Variants in SYNE1 observed in about 807,000 individuals in gnomAD.
SYNE1 encodes the protein nesprin-1.
In SYNE1, 616 loss-of-function variants were observed where a neutral mutation model predicts 1,111.0. The ratio of observed to expected loss-of-function variants is 0.55; its 90% CI spans 0.52 to 0.59. The LOEUF (loss-of-function observed/expected upper bound fraction) is 0.59. SYNE1 is among the 20% of genes least tolerant of loss of function. The pLI, the probability that SYNE1 is intolerant of heterozygous loss-of-function variation, is 0.00. For missense variants in SYNE1, 10,006 were observed against 10,417.0 expected, an observed-to-expected ratio of 0.96 and a Z score of 1.72; for synonymous variants, 3,855 against 3,825.8, an observed-to-expected ratio of 1.01 and a Z score of -0.28.
intron 14 of SYNE1, chr6:152,478,383 GA>G (rs2098847613): frequency 6.6e-6 from 1 of 152,216 alleles, no homozygotes; most frequent in African/African-American, 2.4e-5. Flanking sequence ...TTTGTATGTG[GA>G]TGAGTAAACT....
chr6:152,385,816 T>A lies in SYNE1; in HGVS notation c.8510A>T (p.Glu2837Val), dbSNP rs1325592356. ...VAKEKMRKVE[E>V]IVKDHLMYLD... ...ATACATTAGATGATCTTTCACAATC[T>A]CTTCCACTTTCCTCATTTTTTCCTA... The change falls in exon 55 of 146, where the codon GAG becomes GTG. Residue 2837 changes from glutamate to valine, a missense_variant. Around this residue, in one of 7 missense-constraint regions of SYNE1, gnomAD observed 4,955 missense variants for 5,017.2 expected, o/e 0.99. Coordinates refer to ENST00000367255, the MANE Select transcript of SYNE1 (RefSeq NM_182961.4). The A allele has an allele frequency of 6.2e-7, 1 of 1,613,976 alleles. No individual in the cohort carries two copies. The highest frequency in any genetic ancestry group is 8.5e-7 in the Non-Finnish European group (1 of 1,179,978).
intron 32 of SYNE1, among the ~76,000 whole-genome samples, chr6:152,438,936 G>A (rs1241427083): frequency 1.3e-5 from 2 of 152,186 alleles, no homozygotes; most frequent in African/African-American, 4.8e-5. Flanking sequence ...TCTGGAAAAG[G>A]ACCTTTTGGA....
chr6:152,396,112 G>T (rs965810268), intron 50 of SYNE1, among the ~76,000 whole-genome samples: 2 of 152,196 alleles, frequency 1.3e-5, no homozygotes, highest in Non-Finnish European at 2.9e-5. Flanking sequence ...AGACCCTTGA[G>T]TTGGGGCCAG....
rs545152377 is a variant in SYNE1, at chr6:152,451,124, C to T, written c.3109G>A (p.Glu1037Lys). The stretch of plus-strand genomic sequence containing the variant: ...TCTCGATCCAGCTCAGTTCTGCATT[C>T]TTCTACAGAGGCTAAGAACCTATTC... The part of the protein sequence containing the change: ...EKNRFLASVE[E>K]CRTELDRETK... The change falls in exon 26 of 146, where the codon GAA (glutamate) becomes AAA (lysine). Residue 1037 changes from glutamate to lysine, a missense_variant. Around this residue, in one of 7 missense-constraint regions of SYNE1, gnomAD observed 1,971 missense variants for 2,084.1 expected, o/e 0.95. Coordinates refer to ENST00000367255, the MANE Select transcript of SYNE1 (RefSeq NM_182961.4). 93 of 1,614,114 alleles carry T rather than the reference C, an allele frequency of 5.8e-5. No individual in the cohort carries two copies. The South Asian group carries it at 9.8e-4, about 17-fold the overall frequency.
At chr6:152,344,536 T>C (rs890261467) in intron 73 of SYNE1, among the ~76,000 whole-genome samples, 1 of 152,230 alleles carries the variant, frequency 6.6e-6, no homozygotes, top group Admixed American at 6.5e-5. Flanking sequence ...AAGTTAATTG[T>C]CATAAACATA....
intron 32 of SYNE1, among the ~76,000 whole-genome samples, chr6:152,440,455 A>C (rs1686871078): frequency 6.6e-6 from 1 of 152,182 alleles, no homozygotes; most frequent in South Asian, 2.1e-4. Context: ...TATTCAGAAC[A>C]CTTGTATGCT....
In SYNE1 at chr6:152,318,081, C is replaced by T. The variant is rs540378999; in HGVS notation, c.16572G>A (p.Gln5524=). ...QAENRLSKLN[Q]AASHLEEYNE... is the part of the protein sequence containing the mutation. ...TGGATTTCTGGCCCGGAACACATAC[C>T]TGATTGAGCTTGGAGAGCCGATTCT... Residue 5524 remains glutamine, a splice_region_variant and synonymous_variant, in exon 86 of 146, where the codon CAG becomes CAA. Coordinates refer to ENST00000367255, the MANE Select transcript of SYNE1 (RefSeq NM_182961.4). 1 of 1,614,158 alleles carries T rather than the reference C, an allele frequency of 6.2e-7. No individual in the cohort carries two copies. The highest frequency in any genetic ancestry group is 2.2e-5 in the East Asian group (1 of 44,876).
In SYNE1 at chr6:152,391,580, G is replaced by C; in HGVS notation, c.7713-12C>G. On this transcript the variant is annotated splice_polypyrimidine_tract_variant and intron_variant, in intron 51 of 145. Transcript: ENST00000367255. Reference sequence around the variant, plus strand: ...TATCAAGAGACTCTCTGAAAAAAAGGAAAAAAAAAAAAAAGAAAAAAAATT... The same window carrying C: ...TATCAAGAGACTCTCTGAAAAAAAGCAAAAAAAAAAAAAAGAAAAAAAATT... 7.5e-7 allele frequency: 1 copy of C among 1,337,112 alleles called. No individual in the cohort carries two copies. Among genetic ancestry groups the C allele is most frequent in the African/African-American group, 1.9e-5 (1 of 52,580 alleles). The allele number at this position is 1,337,112 out of a possible 1,614,324, so 82.8% of individuals were successfully genotyped here.
intron 3 of SYNE1, among the ~76,000 whole-genome samples, chr6:152,579,596 C>CT (rs1224554440): frequency 1.1e-4 from 17 of 152,074 alleles, no homozygotes; most frequent in African/African-American, 3.9e-4. Context: ...TGGGGGTTTA[C>CT]TATACAGATT....
chr6:152,481,063 A>C, intron 14 of SYNE1: 2 of 279,208 alleles, frequency 7.2e-6, no homozygotes, highest in East Asian at 9.1e-5. Flanking sequence ...CCAACTTAGG[A>C]CTCACTCCCC....
chr6:152,376,308 G>C (rs946699595), intron 58 of SYNE1, 73 bp downstream of exon 58: 2 of 1,551,956 alleles, frequency 1.3e-6, no homozygotes, highest in African/African-American at 1.4e-5. Flanking sequence ...CCAGGAGATG[G>C]GGACCCTTGA....
chr6:152,635,465 A>G (rs1398918990), intron 2 of SYNE1, among the ~76,000 whole-genome samples: 1 of 152,232 alleles, frequency 6.6e-6, no homozygotes, highest in Non-Finnish European at 1.5e-5. Flanking sequence ...CGGTGATATC[A>G]GGAACTTTTT....
chr6:152,401,116 TTAA>T lies in SYNE1; in HGVS notation c.7029+19_7029+21del, dbSNP rs1168744058. 7 of 1,610,402 alleles carry T rather than the reference TTAA, an allele frequency of 4.3e-6. No homozygotes were observed. The highest frequency in any genetic ancestry group is 5.9e-6 in the Non-Finnish European group (7 of 1,177,008). Reference sequence around the variant, plus strand: ...ACAATCACCATTTGAATGGAAGCACTTAATGATAGTTTATTACCTACCTTGACT... The same window carrying T: ...ACAATCACCATTTGAATGGAAGCACTTGATAGTTTATTACCTACCTTGACT... On this transcript the variant is annotated intron_variant, in intron 47 of 145. Transcript: ENST00000367255.
chr6:152,190,013 T>A (rs2071761995), intron 127 of SYNE1, among the ~76,000 whole-genome samples: 1 of 152,240 alleles, frequency 6.6e-6, no homozygotes, highest in African/African-American at 2.4e-5. Context: ...CAAACCCTAC[T>A]GCTACTTTAT....
At position 152,346,759 on chromosome 6, in the gene SYNE1, G is replaced by A. The variant is rs181067159; in HGVS notation, c.12078+300C>T. ...TGGGAGGCGGAGCTTGCAGTGAGCC[G>A]AGATCGCGCCACTGCACTCCAGCCT... On this transcript the variant is annotated intron_variant, in intron 73 of 145. Coordinates refer to ENST00000367255, the MANE Select transcript of SYNE1 (RefSeq NM_182961.4). Among the ~76,000 whole-genome samples the A allele has an allele frequency of 1.9e-3, 285 of 152,176 alleles. 1 individual carries two copies. The highest frequency in any genetic ancestry group is 6.6e-3 in the African/African-American group (273 of 41,538).
chr6:152,331,421 C>A lies in SYNE1; in HGVS notation c.13264G>T (p.Val4422Phe). The A allele has an allele frequency of 6.2e-7, 1 of 1,614,126 alleles. No homozygotes were observed. The highest frequency in any genetic ancestry group is 8.5e-7 in the Non-Finnish European group (1 of 1,180,026). Residue 4422 changes from valine (V) to phenylalanine (F), a missense_variant, in exon 78 of 146, where the codon GTC becomes TTC. This residue lies in a region of SYNE1 where 4,955 missense variants were observed against 5,017.2 expected (regional missense o/e 0.99). Coordinates refer to ENST00000367255, the MANE Select transcript of SYNE1 (RefSeq NM_182961.4). Reference protein sequence around the residue: ...MADLGLNERQVIQKALSDAQS... With the variant: ...MADLGLNERQFIQKALSDAQS... The stretch of plus-strand genomic sequence containing the variant: ...GCATCAGAGAGAGCCTTCTGGATGA[C>A]CTGTCGCTCATTGAGACCAAGATCT...
At chr6:152,396,719 G>T in intron 50 of SYNE1, 56 bp downstream of exon 50, 2 of 1,479,698 alleles carry the variant, frequency 1.4e-6, no homozygotes, top group Non-Finnish European at 1.9e-6. Context: ...TTTTCTCTAA[G>T]CCTTTAAAAA....
At chr6:152,621,320 TTACATCATA>T (rs894514256) in intron 3 of SYNE1, among the ~76,000 whole-genome samples, 1 of 152,210 alleles carries the variant, frequency 6.6e-6, no homozygotes, top group African/African-American at 2.4e-5. Flanking sequence ...GTGTTTAATG[TTACATCATA>T]AGAGTAACAA....
chr6:152,585,923 T>C (rs2099536938), intron 3 of SYNE1, among the ~76,000 whole-genome samples: 2 of 152,144 alleles, frequency 1.3e-5, no homozygotes, highest in South Asian at 4.1e-4. Context: ...TATGTGTGCA[T>C]GTGTTTGGGG....
Sources: allele counts gnomAD v4.1 joint callset (sites outside exome capture counted in the v4.1 genomes callset), GRCh38; gene constraint gnomAD v4.1.1; regional missense constraint gnomAD v4.1.1; transcripts MANE v1.5; gene names NCBI Gene and HGNC (gene_info 2026-07-23, HGNC 2026-07-21).